The following PROM1 variants were observed in gnomAD, a reference collection of about 807,000 sequenced individuals.
The protein encoded by PROM1 is prominin-1.
PROM1 carries 105 observed loss-of-function variants against 116.9 expected under a neutral mutation model. The observed-to-expected ratio is 0.90, with a 90% CI of 0.77 to 1.06. The LOEUF (loss-of-function observed/expected upper bound fraction) is 1.06. Ranked by LOEUF, PROM1 falls within the 50% of genes least tolerant of loss-of-function variation. The probability of loss-of-function intolerance (pLI) is 0.00; values close to 1 mark genes in which losing one functional copy is unlikely to be tolerated. For missense variants in PROM1, 1,122 were observed against 1,045.2 expected (o/e 1.07, Z -1.01); for synonymous variants, 393 against 387.0 (o/e 1.02, Z -0.18).
intron 4 of PROM1, 122 bp downstream of exon 4, chr4:16,035,613 G>T: frequency 1.0e-6 from 1 of 975,138 alleles, no homozygotes; most frequent in Non-Finnish European, 1.6e-6. Flanking sequence ...CAAAGAGAAG[G>T]TTAAAAGTGA....
chr4:16,074,975 G>T (rs934544336), intron 2 of PROM1, among the ~76,000 whole-genome samples: 2 of 152,188 alleles, frequency 1.3e-5, no homozygotes, highest in Non-Finnish European at 2.9e-5. Context: ...AAATTTAGGT[G>T]CCAAACCCTA....
chr4:16,055,183 T>G (rs1381736526), intron 2 of PROM1: 1 of 305,958 alleles, frequency 3.3e-6, no homozygotes, highest in Non-Finnish European at 6.6e-6. Context: ...AGCATTCTCC[T>G]AGGCAAGACT....
chr4:16,032,171 T>C (rs770165754), intron 5 of PROM1, among the ~76,000 whole-genome samples: 7 of 148,914 alleles, frequency 4.7e-5, no homozygotes, highest in Non-Finnish European at 8.8e-5. Flanking sequence ...TTAACATAGT[T>C]ACCATGTTCT....
intron 14 of PROM1, among the ~76,000 whole-genome samples, chr4:15,999,037 A>C (rs1723031897): frequency 6.6e-6 from 1 of 152,054 alleles, no homozygotes; most frequent in African/African-American, 2.4e-5. Flanking sequence ...GAACTCTTTA[A>C]TCTTTAACCT....
chr4:16,007,859 C>T (rs1345587048), intron 12 of PROM1, among the ~76,000 whole-genome samples: 1 of 152,198 alleles, frequency 6.6e-6, no homozygotes, highest in African/African-American at 2.4e-5. Flanking sequence ...GGAATCATGG[C>T]AGGTGCTCCC....
intron 2 of PROM1, among the ~76,000 whole-genome samples, chr4:16,052,321 A>T (rs1184331541): frequency 6.6e-6 from 1 of 152,158 alleles, no homozygotes; most frequent in East Asian, 1.9e-4. Context: ...CTGGCCACTC[A>T]CAAAATCACC....
chr4:16,028,388 G>A (rs1731849687), intron 5 of PROM1, among the ~76,000 whole-genome samples: 1 of 152,286 alleles, frequency 6.6e-6, no homozygotes, highest in South Asian at 2.1e-4. Context: ...GCACCACCAT[G>A]ATGGCAGATA....
At chr4:16,035,039 C>T (rs2149389825) in intron 4 of PROM1, among the ~76,000 whole-genome samples, 1 of 152,292 alleles carries the variant, frequency 6.6e-6, no homozygotes, top group South Asian at 2.1e-4. Context: ...ATATTATCTA[C>T]TTCCATATTA....
intron 2 of PROM1, among the ~76,000 whole-genome samples, chr4:16,045,178 C>G (rs1052073698): frequency 6.6e-5 from 10 of 152,138 alleles, no homozygotes; most frequent in African/African-American, 2.4e-4. Flanking sequence ...CAGCCCGACT[C>G]TATTCCCCAG....
intron 11 of PROM1, 141 bp downstream of exon 11, chr4:16,013,134 A>T: frequency 1.5e-6 from 1 of 670,206 alleles, no homozygotes. Context: ...ACACAATTGT[A>T]AAGCTCTGAT....
chr4:16,067,489 A>C (rs953555902), intron 2 of PROM1, among the ~76,000 whole-genome samples: 6 of 152,216 alleles, frequency 3.9e-5, no homozygotes, highest in African/African-American at 1.2e-4. Flanking sequence ...TAAATCCCTG[A>C]AAGCGGGCAC....
Position 16,013,313 on chromosome 4 carries a change from G to A in PROM1, c.1103C>T (p.Pro368Leu). ...CGTGGTTTGGCGTTGTACTCTGTCA[G>A]GTATATCATTAAGGGATTGATAGCC... ...QQGYQSLNDI[P>L]DRVQRQTTTV... The change falls in exon 11 of 28, where the codon CCT becomes CTT. Residue 368 changes from proline to leucine, a missense_variant. Pro to Leu is a moderately conservative substitution (Grantham distance 98). Coordinates refer to ENST00000447510, the MANE Select transcript of PROM1 (RefSeq NM_006017.3). 6.2e-7 allele frequency: 1 copy of A among 1,607,566 alleles called. No individual in the cohort carries two copies. The highest frequency in any genetic ancestry group is 8.5e-7 in the Non-Finnish European group (1 of 1,174,116).
chr4:15,968,476 C>G lies in PROM1; in HGVS notation c.*917G>C, dbSNP rs1487297590. ...CAAAGGTTTCATCCATGCTGGACACCAGATCTAAGAATTGTGACAGGATCT... is the reference window on the plus strand; with the variant it reads ...CAAAGGTTTCATCCATGCTGGACACGAGATCTAAGAATTGTGACAGGATCT... On this transcript the variant is annotated 3_prime_UTR_variant, in exon 28 of 28. Transcript: ENST00000447510. 1 of 152,212 alleles carries G rather than the reference C, an allele frequency of 6.6e-6. No individual in the cohort carries two copies. Among genetic ancestry groups the G allele is most frequent in the Non-Finnish European group, 1.5e-5 (1 of 68,038 alleles). 9.4% of individuals were successfully genotyped at this position (152,212 alleles called of 1,614,324 possible).
intron 23 of PROM1, among the ~76,000 whole-genome samples, chr4:15,982,612 T>TCC (rs1331216871): frequency 6.6e-6 from 1 of 152,128 alleles, no homozygotes; most frequent in African/African-American, 2.4e-5. Context: ...CCTCTAGGCC[T>TCC]CCCCTCTGTC....
intron 5 of PROM1, among the ~76,000 whole-genome samples, chr4:16,027,962 T>C (rs1731741887): frequency 6.6e-6 from 1 of 152,200 alleles, no homozygotes; most frequent in African/African-American, 2.4e-5. Flanking sequence ...ATTTTAGACC[T>C]ACATTTCTAC....
chr4:16,025,888 T>C (rs1440459467), intron 5 of PROM1, among the ~76,000 whole-genome samples: 1 of 152,220 alleles, frequency 6.6e-6, no homozygotes. Context: ...TACTTTAGCA[T>C]TAAAATGGTA....
intron 5 of PROM1, among the ~76,000 whole-genome samples, chr4:16,026,425 TGTTA>T (rs564915694): frequency 6.1e-4 from 93 of 152,220 alleles, no homozygotes; most frequent in African/African-American, 2.0e-3. Context: ...GTAAAAAACT[TGTTA>T]GTTTGTAATC....
chr4:16,072,274 AT>A (rs1413164646), intron 2 of PROM1, among the ~76,000 whole-genome samples: 1 of 152,198 alleles, frequency 6.6e-6, no homozygotes, highest in Admixed American at 6.5e-5. Flanking sequence ...AGAGTTTCAA[AT>A]GCAAAATTTG....
chr4:15,984,755 G>A (rs546442150), intron 22 of PROM1, among the ~76,000 whole-genome samples: 2 of 152,290 alleles, frequency 1.3e-5, no homozygotes, highest in East Asian at 3.9e-4. Context: ...CTGATGATCT[G>A]TCACTGTCTC....
Sources: gnomAD v4.1 joint callset for allele counts (sites outside exome capture counted in the v4.1 genomes callset) on GRCh38, gnomAD v4.1.1 for gene constraint, MANE v1.5 for transcripts, NCBI Gene and HGNC (gene_info 2026-07-23, HGNC 2026-07-21) for gene names.